The following DAB1 variants were observed in gnomAD, a reference collection of about 807,000 sequenced individuals.
The protein encoded by DAB1 is DAB adaptor protein 1.
Under a neutral mutation model 64.6 loss-of-function variants are expected in DAB1, and 15 were observed. The observed-to-expected ratio is 0.23, with a 90% CI of 0.16 to 0.36. DAB1 has a LOEUF of 0.36. Among genes scored for constraint, DAB1 ranks in the 10% least tolerant of loss-of-function variants. The probability of loss-of-function intolerance (pLI) is 1.00; values close to 1 mark genes in which losing one functional copy is unlikely to be tolerated. For missense variants in DAB1, 596 were observed against 706.7 expected (o/e 0.84, Z 1.78); for synonymous variants, 235 against 251.9 (o/e 0.93, Z 0.64).
At chr1:57,827,086 A>C (rs2101900564) in intron 1 of DAB1, among the ~76,000 whole-genome samples, 1 of 152,328 alleles carries the variant, frequency 6.6e-6, no homozygotes, top group Non-Finnish European at 1.5e-5. Context: ...TTTATTGTTT[A>C]ATATAAGATG....
intron 9 of DAB1, among the ~76,000 whole-genome samples, chr1:57,055,174 T>C (rs1484241660): frequency 6.6e-6 from 1 of 152,152 alleles, no homozygotes; most frequent in Non-Finnish European, 1.5e-5. Flanking sequence ...GAGAAGTTAG[T>C]CCCTGTGCCA....
chr1:57,059,948 CTG>C (rs1346574042), intron 9 of DAB1, among the ~76,000 whole-genome samples: 1 of 152,076 alleles, frequency 6.6e-6, no homozygotes, highest in Non-Finnish European at 1.5e-5. Flanking sequence ...TTCTAGGACT[CTG>C]AGAGAACAGC....
chr1:57,329,679 A>C (rs371700390), intron 1 of DAB1, among the ~76,000 whole-genome samples: 59 of 136,046 alleles, frequency 4.3e-4, no homozygotes, highest in African/African-American at 1.5e-3. Flanking sequence ...AAAAAAAAAA[A>C]ACCCACAAAA....
At chr1:57,050,391 A>G (rs901950965) in intron 9 of DAB1, among the ~76,000 whole-genome samples, 1 of 152,142 alleles carries the variant, frequency 6.6e-6, no homozygotes, top group Non-Finnish European at 1.5e-5. Flanking sequence ...TCTCAGCACC[A>G]CATTTCAGAC....
At chr1:57,456,758 G>C (rs960616394) in intron 7 of DAB1, among the ~76,000 whole-genome samples, 4 of 152,032 alleles carry the variant, frequency 2.6e-5, no homozygotes, top group African/African-American at 9.7e-5. Flanking sequence ...TCTAAGAAAG[G>C]CATGATTCTA....
In DAB1 at chr1:57,121,084, TG is replaced by T. The variant is rs71580840; in HGVS notation, c.306+15458del. On this transcript the variant is annotated intron_variant, in intron 4 of 14. Transcript: ENST00000371236. ...GTGGGTAGGGGAGACAGGAGAAGAA[TG>T]TCCTAAGCAGAAAAGAAGAGGAAGA... Among the ~76,000 whole-genome samples the T allele has an allele frequency of 6.1e-3, 900 of 147,206 alleles. 4 individuals carry two copies. The highest frequency in any genetic ancestry group is 0.02 in the South Asian group (93 of 4,654).
At chr1:57,822,787 AT>A (rs1652177578), downstream of DAB1, among the ~76,000 whole-genome samples, 1 of 152,124 alleles carries the variant, frequency 6.6e-6, no homozygotes. Context: ...TTAATAATAT[AT>A]TTTTAGACCA....
chr1:57,342,353 T>G (rs1677659895), intron 1 of DAB1, among the ~76,000 whole-genome samples: 1 of 152,256 alleles, frequency 6.6e-6, no homozygotes, highest in East Asian at 1.9e-4. Flanking sequence ...AGAATGTTTT[T>G]ATGTGTCTGC....
intron 7 of DAB1, among the ~76,000 whole-genome samples, chr1:57,531,131 G>A (rs1367758203): frequency 1.3e-5 from 2 of 152,152 alleles, no homozygotes; most frequent in African/African-American, 4.8e-5. Context: ...TGAAGCAAGT[G>A]AAGAATCACA....
chr1:58,184,965 A>G (rs1363700973), intron 4 of DAB1, among the ~76,000 whole-genome samples: 2 of 152,198 alleles, frequency 1.3e-5, no homozygotes, highest in South Asian at 4.1e-4. Flanking sequence ...CATGTCTAGC[A>G]TGAGGAAGAG....
intron 3 of DAB1, among the ~76,000 whole-genome samples, chr1:58,471,651 C>A (rs557867854): frequency 6.6e-6 from 1 of 152,256 alleles, no homozygotes; most frequent in East Asian, 1.9e-4. Context: ...GATCATGGGG[C>A]AGGTTCTGAT....
chr1:57,323,903 A>G (rs1675935706), intron 1 of DAB1, among the ~76,000 whole-genome samples: 1 of 151,950 alleles, frequency 6.6e-6, no homozygotes, highest in Non-Finnish European at 1.5e-5. Flanking sequence ...AGGCAATGTG[A>G]GGATGATAGG....
chr1:57,493,126 ATG>A (rs34183580), intron 7 of DAB1, among the ~76,000 whole-genome samples: 121,135 of 149,520 alleles, frequency 0.81, 50,233 homozygotes, highest in Non-Finnish European at 0.91. Flanking sequence ...AATTGTGTGT[ATG>A]TGTGTGTGTG....
intron 5 of DAB1, among the ~76,000 whole-genome samples, chr1:58,110,846 G>A (rs913427591): frequency 9.9e-5 from 15 of 152,200 alleles, no homozygotes; most frequent in African/African-American, 3.4e-4. Context: ...TATTTAGGAA[G>A]TTGCTGGGGA....
At chr1:57,085,534 G>A (rs1413977824) in intron 4 of DAB1, among the ~76,000 whole-genome samples, 1 of 152,252 alleles carries the variant, frequency 6.6e-6, no homozygotes, top group Non-Finnish European at 1.5e-5. Flanking sequence ...GGGGTGCAAA[G>A]CACTGGCAAG....
chr1:57,183,361 A>G (rs1212176851), intron 2 of DAB1, among the ~76,000 whole-genome samples: 1 of 152,224 alleles, frequency 6.6e-6, no homozygotes, highest in Non-Finnish European at 1.5e-5. Flanking sequence ...AGAGGGAGGA[A>G]CACTGGAGAA....
chr1:57,666,558 GA>G (rs1646449792), intron 6 of DAB1, among the ~76,000 whole-genome samples: 1 of 152,142 alleles, frequency 6.6e-6, no homozygotes, highest in African/African-American at 2.4e-5. Context: ...CTTCATGTCA[GA>G]AAATTGCAAC....
At chr1:57,187,275 C>T (rs985466874) in intron 2 of DAB1, among the ~76,000 whole-genome samples, 10 of 152,148 alleles carry the variant, frequency 6.6e-5, no homozygotes, top group Non-Finnish European at 2.9e-5. Context: ...GATCTCATTG[C>T]ATGATTTTTT....
intron 3 of DAB1, among the ~76,000 whole-genome samples, chr1:58,350,563 G>A (rs1285926041): frequency 6.6e-6 from 1 of 152,154 alleles, no homozygotes; most frequent in Non-Finnish European, 1.5e-5. Context: ...TATTGCCTAG[G>A]TTTTCTTCTA....
Sources: allele counts gnomAD v4.1 joint callset (sites outside exome capture counted in the v4.1 genomes callset), GRCh38; gene constraint gnomAD v4.1.1; transcripts MANE v1.5; gene names NCBI Gene and HGNC (gene_info 2026-07-23, HGNC 2026-07-21).